The following DNAJC5B variants were observed in gnomAD, a reference collection of about 807,000 sequenced individuals.
The protein encoded by DNAJC5B is dnaJ homolog subfamily C member 5B.
A neutral mutation model predicts 24.7 loss-of-function variants in DNAJC5B; 23 were observed. The ratio of observed to expected loss-of-function variants is 0.93; its 90% confidence interval spans 0.67 to 1.32. The LOEUF (loss-of-function observed/expected upper bound fraction) is 1.32. Among genes scored for constraint, DNAJC5B ranks in the 40% most tolerant of loss-of-function variants. The pLI is 0.00. For missense variants in DNAJC5B, 238 were observed against 240.8 expected (o/e 0.99, Z 0.08); for synonymous variants, 101 against 90.1 (o/e 1.12, Z -0.68).
intron 1 of DNAJC5B, among the ~76,000 whole-genome samples, chr8:66,031,328 C>T (rs1173060578): frequency 1.3e-5 from 2 of 152,090 alleles, no homozygotes; most frequent in Non-Finnish European, 2.9e-5. Flanking sequence ...ATAATAAGTG[C>T]TACTTAGGTC....
chr8:66,092,413 G>A (rs1807866251), intron 5 of DNAJC5B, among the ~76,000 whole-genome samples: 1 of 152,244 alleles, frequency 6.6e-6, no homozygotes. Flanking sequence ...TCTACGCCAG[G>A]AGCTAGGACA....
In DNAJC5B at chr8:66,100,079, G is replaced by T. The variant is rs558996059; in HGVS notation, c.*48G>T. On this transcript the variant is annotated 3_prime_UTR_variant, in exon 6 of 6. Transcript: ENST00000276570. ...CAGTCCCTCCTCTCAGTTCAGTCTTGTCTCCAGATGGTCGTAGGGGAGCGT... is the reference window on the plus strand; with the variant it reads ...CAGTCCCTCCTCTCAGTTCAGTCTTTTCTCCAGATGGTCGTAGGGGAGCGT... The T allele has an allele frequency of 1.3e-6, 2 of 1,546,592 alleles. No homozygotes were observed. Among genetic ancestry groups the T allele is most frequent in the South Asian group, 1.1e-5 (1 of 87,786 alleles).
At chr8:66,097,683 A>C (rs1178840769) in intron 5 of DNAJC5B, among the ~76,000 whole-genome samples, 1 of 152,080 alleles carries the variant, frequency 6.6e-6, no homozygotes, top group Non-Finnish European at 1.5e-5. Flanking sequence ...TCTTTTAAAA[A>C]AGAAATGTAA....
intron 3 of DNAJC5B, among the ~76,000 whole-genome samples, chr8:66,058,358 G>A (rs1183282339): frequency 2.6e-5 from 4 of 152,186 alleles, no homozygotes; most frequent in Admixed American, 6.5e-5. Flanking sequence ...TAGAGGTGGG[G>A]AAAGGGAAAC....
chr8:66,099,947 T>C lies in DNAJC5B; in HGVS notation c.516T>C (p.Phe172=). The C allele has an allele frequency of 1.2e-6, 2 of 1,613,936 alleles. No individual in the cohort carries two copies. Among genetic ancestry groups the C allele is most frequent in the South Asian group, 1.1e-5 (1 of 91,064 alleles). The part of the protein sequence containing the change: ...IKSDMEKDVD[F]PVFLQPTNAN... Reference sequence around the variant, plus strand: ...TTTGTTTATTTTTAGATGTGGACTTTCCAGTTTTTCTCCAGCCTACAAATG... The same window carrying C: ...TTTGTTTATTTTTAGATGTGGACTTCCCAGTTTTTCTCCAGCCTACAAATG... Residue 172 remains phenylalanine, a synonymous_variant, in exon 6 of 6, where the codon TTT becomes TTC. Transcript: ENST00000276570.
In DNAJC5B at chr8:66,051,619, T is replaced by G. The variant is rs2128959842; in HGVS notation, c.72T>G (p.Leu24=). The G allele has an allele frequency of 1.2e-6, 2 of 1,614,082 alleles. No individual in the cohort carries two copies. Among genetic ancestry groups the G allele is most frequent in the East Asian group, 4.5e-5 (2 of 44,876 alleles). The change falls in exon 3 of 6, where the codon CTT becomes CTG. Residue 24 remains leucine, a synonymous_variant. Transcript: ENST00000276570. ...CAGGAGAAGCTCTATACGAAATTCTTGGTCTGCATAAGGGAGCATCAAATG... is the reference window on the plus strand; with the variant it reads ...CAGGAGAAGCTCTATACGAAATTCTGGGTCTGCATAAGGGAGCATCAAATG... ...STTGEALYEI[L]GLHKGASNEE...
At position 66,023,055 on chromosome 8, in the gene DNAJC5B, A is replaced by G. The variant is rs142715625; in HGVS notation, c.-142+1350A>G. The stretch of plus-strand genomic sequence containing the variant: ...GTCACATGCTGCTGCAGCCTGTCGC[A>G]TACTGCAGAATTTTAGAGTCGGAGG... On this transcript the variant is annotated intron_variant, in intron 1 of 5. Transcript: ENST00000276570. 1.5e-4 allele frequency among the ~76,000 whole-genome samples: 23 copies of G among 152,348 alleles called. No homozygotes were observed. The East Asian group carries it at 4.4e-3, about 29-fold the overall frequency.
At chr8:66,065,777 C>A (rs1807179127) in intron 3 of DNAJC5B, among the ~76,000 whole-genome samples, 1 of 152,072 alleles carries the variant, frequency 6.6e-6, no homozygotes, top group Non-Finnish European at 1.5e-5. Flanking sequence ...ATAAGACTGC[C>A]CAGGGGCTTT....
At chr8:66,037,505 T>TG (rs1227583516) in intron 1 of DNAJC5B, among the ~76,000 whole-genome samples, 4 of 152,104 alleles carry the variant, frequency 2.6e-5, no homozygotes, top group Non-Finnish European at 5.9e-5. Flanking sequence ...ATCTCCTGTC[T>TG]AATCGTGAGT....
intron 3 of DNAJC5B, among the ~76,000 whole-genome samples, chr8:66,061,377 A>G (rs1159884097): frequency 6.6e-6 from 1 of 152,196 alleles, no homozygotes; most frequent in Non-Finnish European, 1.5e-5. Context: ...AGTGCAGATA[A>G]TGATCCAATC....
At chr8:66,065,018 C>T (rs1807159404) in intron 3 of DNAJC5B, among the ~76,000 whole-genome samples, 1 of 152,178 alleles carries the variant, frequency 6.6e-6, no homozygotes, top group African/African-American at 2.4e-5. Context: ...TATAATTCCT[C>T]ATAAAGTCAA....
chr8:66,017,327 A>G (rs1805980991), upstream of DNAJC5B, among the ~76,000 whole-genome samples: 1 of 152,116 alleles, frequency 6.6e-6, no homozygotes, highest in African/African-American at 2.4e-5. Flanking sequence ...TGTCATTAGC[A>G]CTCCTTAAAA....
chr8:66,028,995 A>G (rs1806305071), intron 1 of DNAJC5B, among the ~76,000 whole-genome samples: 1 of 152,174 alleles, frequency 6.6e-6, no homozygotes, highest in South Asian at 2.1e-4. Flanking sequence ...TGCACCAGGT[A>G]GATCTGTCTG....
At chr8:66,042,544 G>A (rs911227051) in intron 1 of DNAJC5B, among the ~76,000 whole-genome samples, 2 of 152,104 alleles carry the variant, frequency 1.3e-5, no homozygotes, top group Non-Finnish European at 2.9e-5. Context: ...CTGAAGTCAT[G>A]CTGGAACTTG....
chr8:66,070,886 G>A (rs923821351), intron 3 of DNAJC5B, among the ~76,000 whole-genome samples: 14 of 152,150 alleles, frequency 9.2e-5, no homozygotes, highest in Admixed American at 5.2e-4. Flanking sequence ...AGAGGCCTCA[G>A]AAATAGCACC....
At chr8:66,061,309 T>G (rs1443180929) in intron 3 of DNAJC5B, among the ~76,000 whole-genome samples, 1 of 152,150 alleles carries the variant, frequency 6.6e-6, no homozygotes, top group Non-Finnish European at 1.5e-5. Context: ...GAGTGCAAGG[T>G]ATTCGGAAAG....
At chr8:66,084,220 G>A (rs562215855) in intron 5 of DNAJC5B, among the ~76,000 whole-genome samples, 9 of 152,254 alleles carry the variant, frequency 5.9e-5, no homozygotes, top group African/African-American at 1.7e-4. Context: ...TAAATGGACT[G>A]GACTTGCATC....
intron 5 of DNAJC5B, among the ~76,000 whole-genome samples, chr8:66,087,919 C>A (rs181642692): frequency 1.3e-5 from 2 of 152,284 alleles, no homozygotes; most frequent in South Asian, 2.1e-4. Flanking sequence ...ATGGATCTAC[C>A]TTTCTAGGAT....
intron 5 of DNAJC5B, among the ~76,000 whole-genome samples, chr8:66,095,259 T>A (rs1412994627): frequency 1.3e-5 from 2 of 152,100 alleles, no homozygotes; most frequent in African/African-American, 4.8e-5. Context: ...TTACTTAATG[T>A]TTATAGACCA....
Sources: gnomAD v4.1 joint callset for allele counts (sites outside exome capture counted in the v4.1 genomes callset) on GRCh38, gnomAD v4.1.1 for gene constraint, MANE v1.5 for transcripts, NCBI Gene and HGNC (gene_info 2026-07-23, HGNC 2026-07-21) for gene names.